DZANK1: variants seen among roughly 807,000 people sequenced by gnomAD.
DZANK1 encodes double zinc ribbon and ankyrin repeat domains 1.
DZANK1 carries 91 observed loss-of-function variants against 94.5 expected under a neutral mutation model. The ratio of observed to expected loss-of-function variants is 0.96; its 90% CI spans 0.81 to 1.15. DZANK1 has a LOEUF of 1.15. Ranked by LOEUF, DZANK1 falls within the 50% of genes most tolerant of loss-of-function variation. The pLI is 0.00. For missense variants in DZANK1, 903 were observed against 916.4 expected (o/e 0.99, Z 0.19); for synonymous variants, 312 against 325.3 (o/e 0.96, Z 0.44).
intron 10 of DZANK1, among the ~76,000 whole-genome samples, chr20:18,417,942 C>T (rs554366412): frequency 1.2e-4 from 19 of 152,118 alleles, no homozygotes; most frequent in African/African-American, 4.1e-4. Flanking sequence ...AAACATTAGC[C>T]GGGCGTGGTG....
At chr20:18,393,917 C>G in intron 16 of DZANK1, 106 bp from the exon 17 acceptor site, 1 of 769,826 alleles carries the variant, frequency 1.3e-6, no homozygotes, top group Non-Finnish European at 2.1e-6. Flanking sequence ...GATAAAATGG[C>G]TATCATAGAA....
chr20:18,424,954 A>G (rs1349113729), intron 10 of DZANK1, among the ~76,000 whole-genome samples: 1 of 152,238 alleles, frequency 6.6e-6, no homozygotes, highest in Non-Finnish European at 1.5e-5. Flanking sequence ...ACAAAAAACT[A>G]CATACTTCCA....
chr20:18,437,213 A>G, intron 8 of DZANK1, among the ~76,000 whole-genome samples: 1 of 152,238 alleles, frequency 6.6e-6, no homozygotes, highest in Non-Finnish European at 1.5e-5. Context: ...TATAACATAT[A>G]TAGAAGCAAT....
At chr20:18,385,911 G>A (rs564038605) in intron 19 of DZANK1, among the ~76,000 whole-genome samples, 1 of 152,320 alleles carries the variant, frequency 6.6e-6, no homozygotes, top group African/African-American at 2.4e-5. Context: ...TCCTGGTCAG[G>A]TTTGACCTAG....
In DZANK1 at chr20:18,403,447, A is replaced by C. The variant is rs73902457; in HGVS notation, c.1433-4821T>G. Among the ~76,000 whole-genome samples the C allele has an allele frequency of 7.3e-3, 1,118 of 152,336 alleles. 15 individuals carry two copies. Among genetic ancestry groups the C allele is most frequent in the African/African-American group, 0.026 (1,081 of 41,572 alleles). On this transcript the variant is annotated intron_variant, in intron 13 of 20. Transcript: ENST00000262547. ...CCCAGGGGAAGAGGCAGGTCAAAAA[A>C]CAGAGTTCAGAATCTCTCCCCAAAG...
At chr20:18,444,594 C>T (rs2058814396) in intron 7 of DZANK1, among the ~76,000 whole-genome samples, 1 of 152,142 alleles carries the variant, frequency 6.6e-6, no homozygotes, top group African/African-American at 2.4e-5. Flanking sequence ...AGAAAACAGT[C>T]TTCAGGATTC....
intron 6 of DZANK1, 124 bp downstream of exon 6, chr20:18,452,491 C>T: frequency 8.6e-7 from 1 of 1,156,658 alleles, no homozygotes; most frequent in Non-Finnish European, 1.2e-6. Context: ...ACAGTATTCC[C>T]AGCACTAGAA....
intron 10 of DZANK1, among the ~76,000 whole-genome samples, chr20:18,422,230 T>G (rs2057816254): frequency 1.3e-5 from 2 of 152,222 alleles, no homozygotes; most frequent in South Asian, 4.1e-4. Flanking sequence ...TGGTGTGAGA[T>G]AAGGATCTAA....
intron 8 of DZANK1, among the ~76,000 whole-genome samples, chr20:18,442,758 G>A (rs2058750666): frequency 6.6e-6 from 1 of 151,618 alleles, no homozygotes; most frequent in Non-Finnish European, 1.5e-5. Context: ...TTTATTCCAA[G>A]TCCAAAAAAA....
At chr20:18,390,489 C>T in intron 17 of DZANK1, 30 bp from the exon 18 acceptor site, 1 of 1,603,178 alleles carries the variant, frequency 6.2e-7, no homozygotes, top group Non-Finnish European at 8.5e-7. Flanking sequence ...GGTCATTTCC[C>T]CCACTTCAAA....
At chr20:18,449,057 C>T in exon 7 of DZANK1, 1 of 1,613,672 alleles carries the variant, frequency 6.2e-7, no homozygotes, top group Non-Finnish European at 8.5e-7. Flanking sequence ...CTTACGTGTG[C>T]AAAACCGGGG....
chr20:18,436,909 T>G (rs1183357075), intron 8 of DZANK1, among the ~76,000 whole-genome samples: 1 of 152,156 alleles, frequency 6.6e-6, no homozygotes, highest in African/African-American at 2.4e-5. Context: ...GAGAAAATAA[T>G]TGCTAAACCA....
intron 17 of DZANK1, among the ~76,000 whole-genome samples, chr20:18,392,061 A>G (rs555930717): frequency 1.3e-5 from 2 of 152,320 alleles, no homozygotes; most frequent in Admixed American, 6.5e-5. Context: ...ACGTGTGCTC[A>G]AAAATAATCA....
chr20:18,392,475 A>G (rs1035791484), intron 17 of DZANK1, among the ~76,000 whole-genome samples: 9 of 152,190 alleles, frequency 5.9e-5, no homozygotes, highest in Admixed American at 6.5e-5. Context: ...GGAACCACAC[A>G]TGGAGGGAAG....
At chr20:18,427,122 G>A (rs1005042806) in exon 10 of DZANK1, 1 of 1,613,084 alleles carries the variant, frequency 6.2e-7, no homozygotes, top group Non-Finnish European at 8.5e-7. Context: ...CAGGTGAGCA[G>A]GATTTCCTGT....
chr20:18,415,587 T>TTG, intron 10 of DZANK1, 138 bp from the exon 11 acceptor site: 1 of 1,077,156 alleles, frequency 9.3e-7, no homozygotes, highest in Non-Finnish European at 1.2e-6. Flanking sequence ...TTGTTTTGTT[T>TTG]TTTTCCCAAA....
intron 7 of DZANK1, 85 bp downstream of exon 7, chr20:18,448,880 AAAAAAAGTTGGAGGTGGGC>A: frequency 2.1e-6 from 2 of 971,238 alleles, no homozygotes; most frequent in South Asian, 1.6e-5. Context: ...AAAAAAAAAA[AAAAAAAGTTGGAGGTGGGC>A]AAAAATGTCG....
At chr20:18,465,971 A>C (rs567930310) in intron 1 of DZANK1, among the ~76,000 whole-genome samples, 1 of 152,320 alleles carries the variant, frequency 6.6e-6, no homozygotes, top group South Asian at 2.1e-4. Flanking sequence ...ATAAACAGTG[A>C]CCAATAAACA....
intron 19 of DZANK1, among the ~76,000 whole-genome samples, chr20:18,388,699 C>T (rs1423968341): frequency 1.3e-5 from 2 of 152,088 alleles, no homozygotes; most frequent in Non-Finnish European, 2.9e-5. Flanking sequence ...TTCCAAGCAT[C>T]GAAGCTTTAC....
Sources: gnomAD v4.1 joint callset for allele counts (sites outside exome capture counted in the v4.1 genomes callset) on GRCh38, gnomAD v4.1.1 for gene constraint, MANE v1.5 for transcripts, NCBI Gene and HGNC (gene_info 2026-07-23, HGNC 2026-07-21) for gene names.